Variants in TTC28 observed in about 807,000 individuals in gnomAD.
The protein encoded by TTC28 is tetratricopeptide repeat protein 28.
In TTC28, 61 loss-of-function variants were observed where a neutral mutation model predicts 198.0. The observed-to-expected ratio is 0.31, with a 90% CI of 0.25 to 0.38. The LOEUF (loss-of-function observed/expected upper bound fraction) is 0.38. Among genes scored for constraint, TTC28 ranks in the 10% least tolerant of loss-of-function variants. TTC28 has a pLI of 1.00. For missense variants in TTC28, 2,678 were observed against 3,164.0 expected, an observed-to-expected ratio of 0.85 and a Z score of 3.69; for synonymous variants, 1,171 against 1,297.8, an observed-to-expected ratio of 0.90 and a Z score of 2.10.
intron 3 of TTC28, among the ~76,000 whole-genome samples, chr22:28,303,105 G>A (rs895635901): frequency 1.3e-5 from 2 of 152,134 alleles, no homozygotes; most frequent in Non-Finnish European, 2.9e-5. Flanking sequence ...AAATTAACAG[G>A]AAGAGAGACA....
intron 2 of TTC28, among the ~76,000 whole-genome samples, chr22:28,361,695 T>A (rs767837071): frequency 6.6e-6 from 1 of 152,246 alleles, no homozygotes; most frequent in Non-Finnish European, 1.5e-5. Flanking sequence ...CAGCCTTCTA[T>A]TGGAAGAGAA....
At chr22:27,987,410 C>G (rs1383731207) in intron 21 of TTC28, among the ~76,000 whole-genome samples, 1 of 152,186 alleles carries the variant, frequency 6.6e-6, no homozygotes, top group Non-Finnish European at 1.5e-5. Context: ...GCCTCAGGCT[C>G]CATGAGGAAG....
intron 2 of TTC28, among the ~76,000 whole-genome samples, chr22:28,439,011 A>G (rs2146220232): frequency 6.6e-6 from 1 of 152,326 alleles, no homozygotes; most frequent in Admixed American, 6.5e-5. Flanking sequence ...TTCTTTAACA[A>G]TCCACTACAG....
chr22:28,447,536 C>T (rs575066249), intron 2 of TTC28, among the ~76,000 whole-genome samples: 7 of 152,170 alleles, frequency 4.6e-5, no homozygotes, highest in East Asian at 3.8e-4. Context: ...GTTTCTCATA[C>T]GTAAATTAAG....
At chr22:28,472,592 G>GTGTA (rs1491047974) in intron 2 of TTC28, among the ~76,000 whole-genome samples, 1 of 143,234 alleles carries the variant, frequency 7.0e-6, no homozygotes, top group Non-Finnish European at 1.5e-5. Flanking sequence ...GTGTGTGTGT[G>GTGTA]TATCCTCAAA....
At chr22:28,089,431 G>T (rs540410651) in intron 12 of TTC28, among the ~76,000 whole-genome samples, 1 of 149,950 alleles carries the variant, frequency 6.7e-6, no homozygotes, top group Non-Finnish European at 1.5e-5. Flanking sequence ...AGCAAACACC[G>T]CATATTCTCA....
chr22:28,642,142 T>C (rs1238445424), intron 1 of TTC28, among the ~76,000 whole-genome samples: 3 of 148,720 alleles, frequency 2.0e-5, no homozygotes, highest in Non-Finnish European at 3.0e-5. Flanking sequence ...CATGTTGTAA[T>C]CACTAAGGAA....
intron 2 of TTC28, among the ~76,000 whole-genome samples, chr22:28,464,015 G>A (rs1031677091): frequency 1.3e-5 from 2 of 152,178 alleles, no homozygotes; most frequent in South Asian, 2.1e-4. Context: ...ATGATCTCAC[G>A]AGAGAACTAT....
chr22:28,385,741 A>T (rs991862675), intron 2 of TTC28, among the ~76,000 whole-genome samples: 11 of 152,122 alleles, frequency 7.2e-5, no homozygotes, highest in Non-Finnish European at 1.6e-4. Flanking sequence ...TTAGTCTGAT[A>T]TTTAAAATAC....
intron 2 of TTC28, among the ~76,000 whole-genome samples, chr22:28,360,977 T>C (rs948380674): frequency 6.6e-6 from 1 of 152,210 alleles, no homozygotes; most frequent in African/African-American, 2.4e-5. Context: ...CTATAGAAGA[T>C]GGCAAACTTA....
intron 12 of TTC28, among the ~76,000 whole-genome samples, chr22:28,080,323 A>T (rs181444908): frequency 6.6e-6 from 1 of 152,228 alleles, no homozygotes; most frequent in East Asian, 1.9e-4. Context: ...AAAGGTTCCA[A>T]TTTTTCCACA....
chr22:28,483,122 T>C (rs1325880578), intron 2 of TTC28, among the ~76,000 whole-genome samples: 1 of 152,206 alleles, frequency 6.6e-6, no homozygotes, highest in Non-Finnish European at 1.5e-5. Context: ...TTTTGAGGAA[T>C]GGCCGAGCTG....
At chr22:28,313,538 G>A (rs2045302592) in intron 2 of TTC28, among the ~76,000 whole-genome samples, 1 of 152,114 alleles carries the variant, frequency 6.6e-6, no homozygotes, top group African/African-American at 2.4e-5. Flanking sequence ...TTCATCCCTG[G>A]GATGCAAGGC....
At chr22:28,479,462 A>C (rs2048215236) in intron 2 of TTC28, among the ~76,000 whole-genome samples, 1 of 152,224 alleles carries the variant, frequency 6.6e-6, no homozygotes, top group Admixed American at 6.5e-5. Context: ...TTGGGATTAT[A>C]AAAATCCATC....
At chr22:28,404,139 A>G (rs1308059279) in intron 2 of TTC28, among the ~76,000 whole-genome samples, 1 of 152,166 alleles carries the variant, frequency 6.6e-6, no homozygotes, top group Non-Finnish European at 1.5e-5. Flanking sequence ...GTTTTTTGTG[A>G]GACAGAGTCT....
At chr22:28,066,291 TGTGTGTGTGTGTG>T in intron 12 of TTC28, among the ~76,000 whole-genome samples, 1 of 151,086 alleles carries the variant, frequency 6.6e-6, no homozygotes, top group African/African-American at 2.5e-5. Context: ...TGTGTGTGTG[TGTGTGTGTGTGTG>T]GTGTGTGTGT....
In TTC28 at chr22:28,480,384, G is replaced by A. The variant is rs2048229069; in HGVS notation, c.381+149168C>T. ...TTGTGACCTCATCACCAACTTCTTG[G>A]CGCTAATCTCAGGTCACAAACTCTA... is the stretch of plus-strand genomic sequence containing the variant. On this transcript the variant is annotated intron_variant, in intron 2 of 22. Coordinates refer to ENST00000397906, the MANE Select transcript of TTC28 (RefSeq NM_001145418.2). 2.0e-5 allele frequency among the ~76,000 whole-genome samples: 3 copies of A among 152,102 alleles called. No individual in the cohort carries two copies. The South Asian group carries it at 6.2e-4, about 32-fold the overall frequency.
intron 5 of TTC28, among the ~76,000 whole-genome samples, chr22:28,220,760 A>G (rs1016295934): frequency 2.0e-5 from 3 of 152,196 alleles, no homozygotes; most frequent in Non-Finnish European, 4.4e-5. Context: ...TACTCAAGGG[A>G]AACGGATCAC....
chr22:28,530,713 G>A lies in TTC28; in HGVS notation c.381+98839C>T, dbSNP rs190020494. On this transcript the variant is annotated intron_variant, in intron 2 of 22. Transcript: ENST00000397906. Reference sequence around the variant, plus strand: ...CCATCAGACTAACAGCAGATGTCTCGGCAGAAACTCTACAAGCCAGAAGAG... The same window carrying A: ...CCATCAGACTAACAGCAGATGTCTCAGCAGAAACTCTACAAGCCAGAAGAG... 3.0e-3 allele frequency among the ~76,000 whole-genome samples: 462 copies of A among 152,246 alleles called. 1 individual carries two copies. Among genetic ancestry groups the A allele is most frequent in the Non-Finnish European group, 3.5e-3 (238 of 68,018 alleles).
Sources: allele counts gnomAD v4.1 joint callset (sites outside exome capture counted in the v4.1 genomes callset), GRCh38; gene constraint gnomAD v4.1.1; transcripts MANE v1.5; gene names NCBI Gene and HGNC (gene_info 2026-07-23, HGNC 2026-07-21).